Variants in DCC observed in about 807,000 individuals in gnomAD.
The protein encoded by DCC is netrin receptor DCC.
A neutral mutation model predicts 172.5 loss-of-function variants in DCC; 58 were observed. The ratio of observed to expected loss-of-function variants is 0.34; its 90% CI spans 0.27 to 0.42. DCC has a LOEUF of 0.42. DCC is among the 10% of genes least tolerant of loss of function. DCC has a pLI of 1.00. For missense variants in DCC, 1,740 were observed against 1,791.0 expected (o/e 0.97, Z 0.51); for synonymous variants, 709 against 644.5 (o/e 1.10, Z -1.52).
intron 1 of DCC, among the ~76,000 whole-genome samples, chr18:52,574,386 G>A (rs1026385339): frequency 6.6e-6 from 1 of 152,184 alleles, no homozygotes; most frequent in Non-Finnish European, 1.5e-5. Flanking sequence ...CATAACAGCT[G>A]TGAGAATTCT....
intron 12 of DCC, among the ~76,000 whole-genome samples, chr18:53,294,515 T>A (rs576109194): frequency 8.3e-4 from 127 of 152,318 alleles, no homozygotes; most frequent in Non-Finnish European, 1.4e-3. Context: ...GTAACATGCC[T>A]AAGTTCAGAA....
chr18:53,528,995 A>C (rs936661856), intron 28 of DCC, among the ~76,000 whole-genome samples: 2 of 135,040 alleles, frequency 1.5e-5, no homozygotes, highest in African/African-American at 2.8e-5. Context: ...TAATCCCCTC[A>C]CTTCAACTTC....
intron 1 of DCC, among the ~76,000 whole-genome samples, chr18:52,567,167 G>C (rs985421190): frequency 6.6e-6 from 1 of 152,078 alleles, no homozygotes; most frequent in Non-Finnish European, 1.5e-5. Context: ...TTCCTTGACA[G>C]AGCTAAGTTT....
At chr18:53,514,604 T>C (rs1304025408) in intron 27 of DCC, among the ~76,000 whole-genome samples, 1 of 151,954 alleles carries the variant, frequency 6.6e-6, no homozygotes, top group Non-Finnish European at 1.5e-5. Flanking sequence ...CAATAAAAAA[T>C]GATAAGGGGG....
rs139712406 is a variant in DCC at position 53,244,952 on chromosome 18, A to G, written c.1911+29355A>G. Among the ~76,000 whole-genome samples the G allele has an allele frequency of 3.2e-3, 481 of 152,268 alleles. 2 individuals carry two copies. Among genetic ancestry groups the G allele is most frequent in the African/African-American group, 0.011 (454 of 41,572 alleles). On this transcript the variant is annotated intron_variant, in intron 12 of 28. Transcript: ENST00000442544. ...ATATCCTATCATTTTAAATGATTAA[A>G]CATTTTAATATTCTCAATCTAAATG...
intron 1 of DCC, among the ~76,000 whole-genome samples, chr18:52,668,307 A>G (rs2035491142): frequency 6.6e-6 from 1 of 152,182 alleles, no homozygotes; most frequent in African/African-American, 2.4e-5. Flanking sequence ...TAAAAACTTA[A>G]TTTGAAGTTT....
At chr18:53,037,121 G>C (rs1454688541) in intron 5 of DCC, among the ~76,000 whole-genome samples, 1 of 151,912 alleles carries the variant, frequency 6.6e-6, no homozygotes, top group South Asian at 2.1e-4. Context: ...CCTCAAAGAG[G>C]CATTGTCAAC....
At chr18:53,337,448 T>C (rs1290584872) in intron 14 of DCC, among the ~76,000 whole-genome samples, 2 of 152,260 alleles carry the variant, frequency 1.3e-5, no homozygotes, top group African/African-American at 4.8e-5. Context: ...TATTAATCCA[T>C]CCTTTTCATC....
chr18:53,090,516 A>T (rs2042987285), intron 7 of DCC, among the ~76,000 whole-genome samples: 1 of 151,416 alleles, frequency 6.6e-6, no homozygotes, highest in Non-Finnish European at 1.5e-5. Context: ...ACAAGGTGAA[A>T]TTCCGTCTCT....
intron 24 of DCC, among the ~76,000 whole-genome samples, chr18:53,461,568 GT>G (rs2045560070): frequency 6.6e-6 from 1 of 151,980 alleles, no homozygotes; most frequent in Admixed American, 6.6e-5. Flanking sequence ...TTTTTCTCAG[GT>G]TTGTCAAAGA....
chr18:52,382,578 A>C (rs960276300), intron 1 of DCC, among the ~76,000 whole-genome samples: 5 of 152,188 alleles, frequency 3.3e-5, no homozygotes, highest in African/African-American at 1.2e-4. Flanking sequence ...AAGTTTTGGA[A>C]GTGAACCCAA....
intron 1 of DCC, among the ~76,000 whole-genome samples, chr18:52,547,678 G>A (rs1365066443): frequency 6.6e-6 from 1 of 152,042 alleles, no homozygotes; most frequent in African/African-American, 2.4e-5. Flanking sequence ...GACCTGTTAG[G>A]CATACTGGGA....
chr18:52,674,779 C>G (rs1555646282), intron 1 of DCC, among the ~76,000 whole-genome samples: 6 of 152,196 alleles, frequency 3.9e-5, no homozygotes, highest in Non-Finnish European at 1.5e-5. Flanking sequence ...CTAAGGCTCC[C>G]CCGCCATCTG....
chr18:53,309,323 G>A (rs147164931), intron 13 of DCC, among the ~76,000 whole-genome samples: 92 of 152,238 alleles, frequency 6.0e-4, no homozygotes, highest in Non-Finnish European at 9.3e-4. Context: ...ATAGGCATAA[G>A]ACACTGTGCC....
chr18:52,951,527 T>C (rs1173218121), intron 5 of DCC, among the ~76,000 whole-genome samples: 1 of 152,156 alleles, frequency 6.6e-6, no homozygotes, highest in Non-Finnish European at 1.5e-5. Flanking sequence ...AGTGAGAACA[T>C]GCGGTGTTTG....
chr18:52,965,431 AAATTTCTAAGC>A (rs1260992843), intron 5 of DCC, among the ~76,000 whole-genome samples: 1 of 152,156 alleles, frequency 6.6e-6, no homozygotes. Context: ...TTTAAAGTAC[AAATTTCTAAGC>A]AATGAGAAGG....
chr18:53,521,453 C>T (rs545919090), intron 27 of DCC, among the ~76,000 whole-genome samples: 34 of 152,168 alleles, frequency 2.2e-4, no homozygotes, highest in East Asian at 7.7e-4. Context: ...GTATTTCCAT[C>T]GTGATAACCG....
intron 12 of DCC, among the ~76,000 whole-genome samples, chr18:53,235,118 G>T (rs1449525588): frequency 6.6e-6 from 1 of 152,156 alleles, no homozygotes; most frequent in East Asian, 1.9e-4. Flanking sequence ...TCATGACACA[G>T]GGTTCATTGT....
intron 2 of DCC, among the ~76,000 whole-genome samples, chr18:52,877,902 A>G (rs1392847026): frequency 6.6e-6 from 1 of 152,142 alleles, no homozygotes; most frequent in African/African-American, 2.4e-5. Flanking sequence ...TGCACCAAGT[A>G]GCACTTAAAG....
Sources: gnomAD v4.1 joint callset for allele counts (sites outside exome capture counted in the v4.1 genomes callset) on GRCh38, gnomAD v4.1.1 for gene constraint, MANE v1.5 for transcripts, NCBI Gene and HGNC (gene_info 2026-07-23, HGNC 2026-07-21) for gene names.